Variants in SYT9 observed in about 807,000 individuals in gnomAD.
SYT9 encodes the protein synaptotagmin-9.
A neutral mutation model predicts 48.4 loss-of-function variants in SYT9; 22 were observed. The observed-to-expected ratio is 0.45, with a 90% confidence interval of 0.32 to 0.65. The LOEUF is 0.65. Among genes scored for constraint, SYT9 ranks in the 30% least tolerant of loss-of-function variants. The pLI, the probability that SYT9 is intolerant of heterozygous loss-of-function variation, is 0.03. For synonymous variants in SYT9, 265 were observed against 245.0 expected (o/e 1.08, Z -0.76); for missense variants, 577 against 622.0 (o/e 0.93, Z 0.77).
chr11:7,419,747 AT>A (rs1208458576), intron 5 of SYT9, among the ~76,000 whole-genome samples: 2 of 151,970 alleles, frequency 1.3e-5, no homozygotes, highest in Non-Finnish European at 2.9e-5. Flanking sequence ...AAATACAAAA[AT>A]TGGCCAGGCA....
At chr11:7,428,612 C>T (rs12226707) in intron 6 of SYT9, among the ~76,000 whole-genome samples, 41,469 of 152,080 alleles carry the variant, frequency 0.27, 6,824 homozygotes, top group East Asian at 0.46. Flanking sequence ...TTTCAGAAGA[C>T]GCACTTGTCA....
intron 1 of SYT9, among the ~76,000 whole-genome samples, chr11:7,267,515 G>A (rs1238147242): frequency 1.3e-5 from 2 of 151,564 alleles, no homozygotes. Flanking sequence ...GATCTCTTGA[G>A]TTAAAAAAAA....
chr11:7,414,222 G>A (rs1342305335), intron 3 of SYT9, among the ~76,000 whole-genome samples: 1 of 152,208 alleles, frequency 6.6e-6, no homozygotes, highest in African/African-American at 2.4e-5. Context: ...AATTGATTAG[G>A]AAGTTTCATA....
At chr11:7,465,042 T>G (rs370669365) in intron 6 of SYT9, among the ~76,000 whole-genome samples, 6 of 151,952 alleles carry the variant, frequency 3.9e-5, no homozygotes, top group African/African-American at 1.5e-4. Context: ...GAGTCGAGAT[T>G]GCGCCACTGC....
At chr11:7,345,710 C>A (rs183102802) in intron 3 of SYT9, among the ~76,000 whole-genome samples, 119 of 152,268 alleles carry the variant, frequency 7.8e-4, no homozygotes, top group Admixed American at 2.2e-3. Context: ...GGCTGGAGCT[C>A]AGAAGCAGGG....
chr11:7,380,065 A>G (rs915855740), intron 3 of SYT9, among the ~76,000 whole-genome samples: 4 of 152,170 alleles, frequency 2.6e-5, no homozygotes, highest in African/African-American at 9.7e-5. Context: ...AGATGAATGG[A>G]TAAAGAAAAT....
intron 3 of SYT9, among the ~76,000 whole-genome samples, chr11:7,408,132 TTTG>T (rs1241705161): frequency 6.8e-6 from 1 of 147,982 alleles, no homozygotes; most frequent in African/African-American, 2.7e-5. Flanking sequence ...ATTTTGTTTT[TTTG>T]TTTGTTTGTT....
In SYT9 at chr11:7,348,688, CTTTTTTTTTTT is replaced by C. The variant is rs34752256; in HGVS notation, c.1044+34766_1044+34776del. On this transcript the variant is annotated intron_variant, in intron 3 of 6. Transcript: ENST00000318881. Reference sequence around the variant, plus strand: ...CCAGGTATCAGAGCCATCAGACCTCCTTTTTTTTTTTTTTTTTTTTTTTTTTTTTGTATTTT... The same window carrying C: ...CCAGGTATCAGAGCCATCAGACCTCCTTTTTTTTTTTTTTTTTTGTATTTT... 1.9e-3 allele frequency among the ~76,000 whole-genome samples: 91 copies of C among 47,114 alleles called. No homozygotes were observed. In the East Asian group the frequency reaches 0.032, roughly 16 times the overall value. 30.9% of individuals were successfully genotyped at this position (47,114 alleles called of 152,430 possible). A position where few individuals can be genotyped will look rare whatever the true frequency, so the allele number is the denominator to read the frequency against.
At chr11:7,313,101 C>T (rs957734838) in intron 2 of SYT9, among the ~76,000 whole-genome samples, 1 of 152,208 alleles carries the variant, frequency 6.6e-6, no homozygotes, top group Non-Finnish European at 1.5e-5. Context: ...GAATAAGCTT[C>T]TTTAATGGCA....
chr11:7,420,166 G>T (rs1303398993), intron 5 of SYT9, among the ~76,000 whole-genome samples: 1 of 152,126 alleles, frequency 6.6e-6, no homozygotes, highest in Non-Finnish European at 1.5e-5. Flanking sequence ...AGCCATTATT[G>T]CAAGAAACTC....
intron 3 of SYT9, among the ~76,000 whole-genome samples, chr11:7,407,802 C>T (rs925816319): frequency 6.6e-6 from 1 of 152,186 alleles, no homozygotes; most frequent in Admixed American, 6.5e-5. Context: ...TGTATTCTTT[C>T]TCCTTGGTGC....
At chr11:7,348,072 G>T (rs527680331) in intron 3 of SYT9, among the ~76,000 whole-genome samples, 1 of 152,310 alleles carries the variant, frequency 6.6e-6, no homozygotes, top group African/African-American at 2.4e-5. Flanking sequence ...ATTAATTCAT[G>T]CTTTCAGAAT....
At chr11:7,417,167 TG>T (rs879430724) in intron 4 of SYT9, among the ~76,000 whole-genome samples, 3,531 of 92,106 alleles carry the variant, frequency 0.038, 57 homozygotes, top group Non-Finnish European at 0.064. Context: ...CCAGTGTTTT[TG>T]TTTTTTTAAG....
At chr11:7,304,347 C>A (rs1343478001) in intron 2 of SYT9, among the ~76,000 whole-genome samples, 1 of 152,126 alleles carries the variant, frequency 6.6e-6, no homozygotes, top group Non-Finnish European at 1.5e-5. Context: ...TATAAAAACT[C>A]ATTTTTGATA....
At position 7,411,560 on chromosome 11, in the gene SYT9, A is replaced by G. The variant is rs373418873; in HGVS notation, c.1045-4482A>G. ...TTTGAATATGTCTCTCTTGCCCTGT[A>G]TTGTTTCTGCTGAGAAATACTTTCT... On this transcript the variant is annotated intron_variant, in intron 3 of 6. Transcript: ENST00000318881. Among the ~76,000 whole-genome samples, 23 of 151,914 alleles carry G rather than the reference A, an allele frequency of 1.5e-4. No homozygotes were observed. The East Asian group carries it at 2.7e-3, about 18-fold the overall frequency.
intron 3 of SYT9, among the ~76,000 whole-genome samples, chr11:7,319,020 T>G (rs992649982): frequency 6.6e-6 from 1 of 152,186 alleles, no homozygotes; most frequent in African/African-American, 2.4e-5. Flanking sequence ...TGCTATTTGT[T>G]CCTGCTCAGT....
intron 6 of SYT9, among the ~76,000 whole-genome samples, chr11:7,446,644 T>G (rs1392022002): frequency 6.6e-6 from 1 of 152,128 alleles, no homozygotes; most frequent in Non-Finnish European, 1.5e-5. Flanking sequence ...GAAAAAGCCC[T>G]CCCTGGCCAT....
rs566581975 is a variant in SYT9, at chr11:7,275,939, A to T, written c.145+23608A>T. ...TCAGATCATATGTGTCTGAATCTAT[A>T]TAATATTTGTTACTTGTTTATTGTT... is the stretch of plus-strand genomic sequence containing the variant. On this transcript the variant is annotated intron_variant, in intron 1 of 6. Coordinates refer to ENST00000318881, the MANE Select transcript of SYT9 (RefSeq NM_175733.4). 5.3e-5 allele frequency among the ~76,000 whole-genome samples: 8 copies of T among 152,250 alleles called. No homozygotes were observed. In the South Asian group the frequency reaches 1.7e-3, roughly 32 times the overall value.
intron 2 of SYT9, among the ~76,000 whole-genome samples, chr11:7,311,189 C>G (rs1849126845): frequency 6.6e-6 from 1 of 152,110 alleles, no homozygotes; most frequent in South Asian, 2.1e-4. Flanking sequence ...GTAATCCCAG[C>G]TATTTGGGAG....
Sources: allele counts gnomAD v4.1 joint callset (sites outside exome capture counted in the v4.1 genomes callset), GRCh38; gene constraint gnomAD v4.1.1; transcripts MANE v1.5; gene names NCBI Gene and HGNC (gene_info 2026-07-23, HGNC 2026-07-21).